Variants in ALK observed in about 807,000 individuals in gnomAD.
ALK encodes the protein ALK receptor tyrosine kinase, also known as ALK tyrosine kinase receptor.
In ALK, 74 loss-of-function variants were observed where a neutral mutation model predicts 163.1. That is an observed-to-expected ratio of 0.45 (90% CI 0.38 to 0.55). The LOEUF is 0.55. Ranked by LOEUF, ALK falls within the 20% of genes least tolerant of loss-of-function variation. The pLI, the probability that ALK is intolerant of heterozygous loss-of-function variation, is 0.00. For missense variants in ALK, 2,063 were observed against 2,105.3 expected (o/e 0.98, Z 0.39); for synonymous variants, 960 against 843.2 (o/e 1.14, Z -2.40).
chr2:29,315,404 G>T (rs920300270), intron 8 of ALK, among the ~76,000 whole-genome samples: 1 of 152,044 alleles, frequency 6.6e-6, no homozygotes, highest in East Asian at 1.9e-4. Flanking sequence ...CTTCTCCCCC[G>T]CCTCCATCAT....
intron 3 of ALK, among the ~76,000 whole-genome samples, chr2:29,676,111 A>G (rs1310447468): frequency 5.3e-5 from 8 of 151,972 alleles, no homozygotes; most frequent in Non-Finnish European, 8.8e-5. Context: ...TTTTTATGCA[A>G]TGTATGATTC....
chr2:29,858,342 A>G (rs1459260907), intron 1 of ALK, among the ~76,000 whole-genome samples: 1 of 152,168 alleles, frequency 6.6e-6, no homozygotes, highest in Non-Finnish European at 1.5e-5. Context: ...ATAATTAAGC[A>G]TGAGGAACAT....
chr2:29,536,152 G>A (rs1051347370), intron 3 of ALK, among the ~76,000 whole-genome samples: 1 of 152,144 alleles, frequency 6.6e-6, no homozygotes, highest in Non-Finnish European at 1.5e-5. Context: ...TGATATGATG[G>A]TAACATGGTG....
At chr2:29,297,977 G>A (rs1412224853) in intron 8 of ALK, among the ~76,000 whole-genome samples, 1 of 152,146 alleles carries the variant, frequency 6.6e-6, no homozygotes, top group Non-Finnish European at 1.5e-5. Context: ...TCAGAGTAAA[G>A]GTACCCCCTT....
intron 1 of ALK, among the ~76,000 whole-genome samples, chr2:29,771,040 C>G (rs1681008663): frequency 6.6e-6 from 1 of 151,946 alleles, no homozygotes; most frequent in African/African-American, 2.4e-5. Context: ...CAAACACATA[C>G]ATGCACACAT....
intron 3 of ALK, among the ~76,000 whole-genome samples, chr2:29,617,042 C>T (rs1675866489): frequency 6.6e-6 from 1 of 152,050 alleles, no homozygotes; most frequent in South Asian, 2.1e-4. Flanking sequence ...TGACACAGAC[C>T]TTCTGAGGCA....
chr2:29,862,487 T>G (rs1215976844), intron 1 of ALK, among the ~76,000 whole-genome samples: 1 of 152,102 alleles, frequency 6.6e-6, no homozygotes, highest in African/African-American at 2.4e-5. Flanking sequence ...CAGGAGCATT[T>G]CTATATACTA....
intron 1 of ALK, among the ~76,000 whole-genome samples, chr2:29,764,275 A>T (rs984702737): frequency 1.3e-5 from 2 of 152,154 alleles, no homozygotes; most frequent in African/African-American, 4.8e-5. Context: ...GGGTCCAGCC[A>T]GAGAGGTGCC....
At chr2:29,553,645 C>T (rs1267405888) in intron 3 of ALK, among the ~76,000 whole-genome samples, 1 of 152,136 alleles carries the variant, frequency 6.6e-6, no homozygotes, top group East Asian at 1.9e-4. Context: ...CTCAATATTG[C>T]CTAATAGAAC....
At chr2:29,431,065 C>G (rs986888736) in intron 4 of ALK, among the ~76,000 whole-genome samples, 2 of 151,384 alleles carry the variant, frequency 1.3e-5, no homozygotes, top group African/African-American at 2.4e-5. Context: ...ATCACTTCCA[C>G]CAAAGACAGA....
intron 3 of ALK, among the ~76,000 whole-genome samples, chr2:29,615,109 G>A (rs745312073): frequency 2.0e-5 from 3 of 152,024 alleles, no homozygotes; most frequent in Admixed American, 6.6e-5. Flanking sequence ...TTGAGCCACC[G>A]CACCCAGCCA....
intron 1 of ALK, among the ~76,000 whole-genome samples, chr2:29,820,370 T>TCAGA (rs1558502769): frequency 2.0e-5 from 3 of 152,126 alleles, no homozygotes; most frequent in African/African-American, 4.8e-5. Flanking sequence ...GACCAACAGC[T>TCAGA]TGACTGCAAC....
intron 1 of ALK, among the ~76,000 whole-genome samples, chr2:29,780,622 C>T (rs1681307461): frequency 6.6e-6 from 1 of 152,202 alleles, no homozygotes. Flanking sequence ...GTTGGGAGAG[C>T]TAAGCCCTGA....
chr2:29,466,535 G>A (rs1026846427), intron 4 of ALK, among the ~76,000 whole-genome samples: 11 of 152,138 alleles, frequency 7.2e-5, no homozygotes, highest in South Asian at 2.1e-4. Context: ...TAACAATTAG[G>A]TTCTCATTCA....
At chr2:29,775,158 A>G (rs960201649) in intron 1 of ALK, among the ~76,000 whole-genome samples, 4 of 152,212 alleles carry the variant, frequency 2.6e-5, no homozygotes, top group Non-Finnish European at 5.9e-5. Context: ...TGACTAAAAG[A>G]TAAACCAAAA....
At chr2:29,612,931 G>A (rs946332599) in intron 3 of ALK, among the ~76,000 whole-genome samples, 1 of 152,090 alleles carries the variant, frequency 6.6e-6, no homozygotes, top group Non-Finnish European at 1.5e-5. Context: ...AACAGTTTGG[G>A]AAGAAAGGAA....
At chr2:29,750,697 A>AAGGAAGGAAGGAAGGAAGGAAGGC (rs1402085327) in intron 1 of ALK, among the ~76,000 whole-genome samples, 5 of 84,538 alleles carry the variant, frequency 5.9e-5, no homozygotes, top group Admixed American at 2.7e-4. Context: ...GGAAGGAAGG[A>AAGGAAGGAAGGAAGGAAGGAAGGC]AGGCAGGCAG....
chr2:29,611,524 G>A (rs950985482), intron 3 of ALK, among the ~76,000 whole-genome samples: 3 of 152,174 alleles, frequency 2.0e-5, no homozygotes, highest in African/African-American at 7.2e-5. Context: ...AAATGGTTAT[G>A]TCAACCATCT....
chr2:29,379,393 A>G (rs4265966), intron 5 of ALK, among the ~76,000 whole-genome samples: 150,087 of 152,346 alleles, frequency 0.99, 73,968 homozygotes, highest in Middle Eastern at 1. Flanking sequence ...ATCAGTCAAC[A>G]TGTATTCGTG....
Sources: gnomAD v4.1 joint callset for allele counts (sites outside exome capture counted in the v4.1 genomes callset) on GRCh38, gnomAD v4.1.1 for gene constraint, MANE v1.5 for transcripts, NCBI Gene and HGNC (gene_info 2026-07-23, HGNC 2026-07-21) for gene names.